MAJIN: variants seen among roughly 807,000 people sequenced by gnomAD.
MAJIN encodes membrane-anchored junction protein.
In MAJIN, 27 loss-of-function variants were observed where a neutral mutation model predicts 30.2. The ratio of observed to expected loss-of-function variants is 0.89; its 90% CI spans 0.66 to 1.23. The LOEUF (loss-of-function observed/expected upper bound fraction) is 1.23. MAJIN is among the 50% of genes most tolerant of loss of function. MAJIN has a pLI of 0.00. For synonymous variants in MAJIN, 78 were observed against 91.6 expected (o/e 0.85, Z 0.85); for missense variants, 253 against 260.3 (o/e 0.97, Z 0.19).
chr11:64,967,791 C>CTT (rs1945835633), intron 1 of MAJIN, among the ~76,000 whole-genome samples: 1 of 152,162 alleles, frequency 6.6e-6, no homozygotes, highest in Admixed American at 6.5e-5. Context: ...ACAAGAGAGA[C>CTT]ATGATCCCTC....
intron 4 of MAJIN, chr11:64,954,432 C>G (rs1201420353): frequency 6.8e-6 from 3 of 439,626 alleles, no homozygotes; most frequent in Non-Finnish European, 1.3e-5. Flanking sequence ...TGAGGTTTCC[C>G]AGAGCCCTGG....
At chr11:64,969,852 C>T (rs1945870777) in intron 1 of MAJIN, among the ~76,000 whole-genome samples, 1 of 152,044 alleles carries the variant, frequency 6.6e-6, no homozygotes, top group Non-Finnish European at 1.5e-5. Flanking sequence ...AGCGATGACT[C>T]CTGGTTGCTT....
chr11:64,945,544 T>TC, intron 8 of MAJIN, among the ~76,000 whole-genome samples: 1 of 152,028 alleles, frequency 6.6e-6, no homozygotes. Context: ...AGAGAGGATT[T>TC]CTTTTTTTTA....
chr11:64,962,301 G>A (rs1173840929), intron 1 of MAJIN, among the ~76,000 whole-genome samples: 2 of 152,214 alleles, frequency 1.3e-5, no homozygotes, highest in Non-Finnish European at 2.9e-5. Context: ...GCCCGATTCA[G>A]AAACAAACAC....
At chr11:64,964,384 G>A (rs1945774361) in intron 1 of MAJIN, among the ~76,000 whole-genome samples, 1 of 152,140 alleles carries the variant, frequency 6.6e-6, no homozygotes, top group African/African-American at 2.4e-5. Flanking sequence ...GGATGATAGG[G>A]AAGTGACTTC....
At chr11:64,948,610 T>TC (rs1565126833) in intron 6 of MAJIN, among the ~76,000 whole-genome samples, 328 of 29,546 alleles carry the variant, frequency 0.011, 28 homozygotes, top group African/African-American at 0.07. Context: ...ATCATATATA[T>TC]ATATATATAT....
chr11:64,942,066 A>C (rs1249920760), intron 8 of MAJIN, among the ~76,000 whole-genome samples: 2 of 152,194 alleles, frequency 1.3e-5, no homozygotes, highest in African/African-American at 4.8e-5. Flanking sequence ...CCAGGCCCAC[A>C]ACATTTTCCA....
chr11:64,954,943 C>T, intron 3 of MAJIN, 141 bp from the exon 4 acceptor site: 1 of 741,194 alleles, frequency 1.3e-6, no homozygotes. Flanking sequence ...ACCCAGTGCT[C>T]ATGGGGAAGA....
intron 3 of MAJIN, among the ~76,000 whole-genome samples, chr11:64,959,059 T>C (rs541622630): frequency 8.8e-4 from 120 of 135,980 alleles, no homozygotes; most frequent in Admixed American, 1.6e-3. Context: ...GGTTTGAGAC[T>C]AGCCTGGACA....
chr11:64,953,309 T>C (rs779926137), intron 4 of MAJIN, among the ~76,000 whole-genome samples: 19 of 152,258 alleles, frequency 1.2e-4, no homozygotes, highest in Admixed American at 2.0e-4. Flanking sequence ...ACACTTCTCA[T>C]AGTAATTACT....
rs556258125 is a variant in MAJIN, at chr11:64,970,510, G to A, written c.-65+1367C>T. ...GCCTCCCAAGTAGCTGGGACTACAG[G>A]AGCCTGCCACCACACCCGGCTGATC... On this transcript the variant is annotated intron_variant, in intron 1 of 10. Transcript: ENST00000301896. Among the ~76,000 whole-genome samples, 14 of 150,432 alleles carry A rather than the reference G, an allele frequency of 9.3e-5. No homozygotes were observed. In the South Asian group the frequency reaches 3.0e-3, roughly 32 times the overall value.
intron 8 of MAJIN, among the ~76,000 whole-genome samples, 162 bp downstream of exon 8, chr11:64,947,212 A>G (rs4320955): frequency 0.046 from 6,983 of 152,344 alleles, 184 homozygotes; most frequent in Middle Eastern, 0.065. Flanking sequence ...TATTGTAAAT[A>G]TTAACTTGCT....
chr11:64,965,732 T>A (rs1945796076), intron 1 of MAJIN, among the ~76,000 whole-genome samples: 1 of 151,926 alleles, frequency 6.6e-6, no homozygotes, highest in Non-Finnish European at 1.5e-5. Context: ...CGAGGCGGGC[T>A]GATCACGAGG....
intron 1 of MAJIN, among the ~76,000 whole-genome samples, chr11:64,970,717 C>T (rs1035138513): frequency 2.0e-5 from 3 of 152,028 alleles, no homozygotes; most frequent in African/African-American, 4.8e-5. Flanking sequence ...AAAGGATGTT[C>T]GGCAAAGTAT....
At chr11:64,954,613 T>C in intron 4 of MAJIN, 144 bp downstream of exon 4, 1 of 782,432 alleles carries the variant, frequency 1.3e-6, no homozygotes. Context: ...AAACATAAAG[T>C]TCCTTTGCAA....
intron 1 of MAJIN, among the ~76,000 whole-genome samples, chr11:64,962,325 C>A (rs78811510): frequency 0.028 from 4,279 of 152,312 alleles, 91 homozygotes; most frequent in Middle Eastern, 0.068. Flanking sequence ...ACACTAATTA[C>A]CTCATTTGAA....
chr11:64,957,225 C>T (rs1945650380), intron 3 of MAJIN, among the ~76,000 whole-genome samples: 1 of 151,878 alleles, frequency 6.6e-6, no homozygotes, highest in African/African-American at 2.4e-5. Context: ...ATCACAGGTG[C>T]AAACCACCAT....
At chr11:64,939,615 G>T (rs750903005) in intron 10 of MAJIN, 47 bp downstream of exon 10, 1 of 1,537,000 alleles carries the variant, frequency 6.5e-7, no homozygotes, top group Admixed American at 1.7e-5. Context: ...TCAATGAGCC[G>T]CTCTGAGCTG....
intron 4 of MAJIN, 126 bp from the exon 5 acceptor site, chr11:64,950,556 C>A: frequency 1.3e-6 from 1 of 767,122 alleles, no homozygotes. Context: ...TCCTTTAACA[C>A]GTGTTCTGAT....
Sources: allele counts gnomAD v4.1 joint callset (sites outside exome capture counted in the v4.1 genomes callset), GRCh38; gene constraint gnomAD v4.1.1; transcripts MANE v1.5; gene names NCBI Gene and HGNC (gene_info 2026-07-23, HGNC 2026-07-21).